The following DGKQ variants were observed in gnomAD, a reference collection of about 807,000 sequenced individuals.
The protein encoded by DGKQ is diacylglycerol kinase theta, also known as DAG kinase theta.
DGKQ carries 97 observed loss-of-function variants against 104.2 expected under a neutral mutation model. The ratio of observed to expected loss-of-function variants is 0.93; its 90% CI spans 0.79 to 1.10. DGKQ has a LOEUF of 1.10. DGKQ is among the 50% of genes least tolerant of loss of function. DGKQ has a pLI of 0.00. For synonymous variants in DGKQ, 736 were observed against 595.2 expected (o/e 1.24, Z -3.44); for missense variants, 1,465 against 1,352.1 (o/e 1.08, Z -1.31).
intron 2 of DGKQ, among the ~76,000 whole-genome samples, chr4:969,524 A>G (rs1216157420): frequency 6.6e-6 from 1 of 152,248 alleles, no homozygotes; most frequent in Non-Finnish European, 1.5e-5. Context: ...ACACCCGATA[A>G]AAGCATACAC....
At chr4:960,908 C>G in intron 22 of DGKQ, 141 bp downstream of exon 22, 1 of 1,494,712 alleles carries the variant, frequency 6.7e-7, no homozygotes, top group Non-Finnish European at 8.9e-7. Flanking sequence ...CACAGCCCTC[C>G]TCTGAAGCAG....
intron 12 of DGKQ, 52 bp downstream of exon 12, chr4:966,414 C>A: frequency 6.3e-7 from 1 of 1,586,160 alleles, no homozygotes; most frequent in Non-Finnish European, 8.6e-7. Context: ...GGGGCAGAGG[C>A]TGTGGCTGAG....
rs778640223 is a variant in DGKQ, at chr4:965,156, C to T, written c.1734+20G>A. 6.8e-6 allele frequency: 11 copies of T among 1,607,980 alleles called. No individual in the cohort carries two copies. In the South Asian group the frequency reaches 9.9e-5, roughly 14 times the overall value. The stretch of plus-strand genomic sequence containing the variant: ...CCACCCCCTGGGGTGTGTGAAGAGC[C>T]GGCTTGACCGCACACTCACCAGCAG... On this transcript the variant is annotated intron_variant, in intron 15 of 22. Coordinates refer to ENST00000273814, the MANE Select transcript of DGKQ (RefSeq NM_001347.4).
At chr4:960,953 C>G (rs56039006) in intron 22 of DGKQ, 96 bp downstream of exon 22, 229,056 of 1,544,284 alleles carry the variant, frequency 0.15, 18,580 homozygotes, top group Middle Eastern at 0.27. Flanking sequence ...CTGGCCGCAG[C>G]CGGCCATGCC....
intron 12 of DGKQ, 187 bp downstream of exon 12, chr4:966,279 G>A: frequency 1.2e-6 from 1 of 827,700 alleles, no homozygotes; most frequent in East Asian, 2.7e-5. Context: ...GGACCTCGGG[G>A]AGATCTGCAG....
chr4:968,057 T>C, intron 5 of DGKQ, 30 bp from the exon 6 acceptor site: 1 of 1,392,448 alleles, frequency 7.2e-7, no homozygotes, highest in Admixed American at 3.2e-5. Flanking sequence ...AGCTGGGGGG[T>C]TGGAGCCAGG....
Position 967,004 on chromosome 4 carries a change from CG to C in DGKQ, c.1270del (p.Arg424AlafsTer38), listed in dbSNP as rs1560516105. On this transcript the variant is annotated frameshift_variant, in exon 10 of 23. Coordinates refer to ENST00000273814, the MANE Select transcript of DGKQ (RefSeq NM_001347.4). LOFTEE classifies it high-confidence loss of function. ...CGGCAGGACCTCCAGCACCACAGAG[CG>C]GGCCGTGCTCTTCGGGGTCACTCGC... ...SVRVTPKSTA[R>X]SVVLEVLPLL... The C allele has an allele frequency of 3.8e-6, 6 of 1,565,214 alleles. No individual in the cohort carries two copies. The highest frequency in any genetic ancestry group is 5.2e-6 in the Non-Finnish European group (6 of 1,157,370).
In DGKQ at chr4:962,841, C is replaced by G. The variant is rs370473571; in HGVS notation, c.1966G>C (p.Ala656Pro). 1 of 1,606,306 alleles carries G rather than the reference C, an allele frequency of 6.2e-7. No homozygotes were observed. Among genetic ancestry groups the G allele is most frequent in the African/African-American group, 1.3e-5 (1 of 74,824 alleles). Residue 656 changes from alanine (A) to proline (P), a missense_variant, in exon 17 of 23, where the codon GCC becomes CCC. By Grantham distance (27) the Ala-to-Pro change is conservative. Coordinates refer to ENST00000273814, the MANE Select transcript of DGKQ (RefSeq NM_001347.4). Reference protein sequence around the residue: ...GDGTVGWVLGALEETRYRLAC... With the variant: ...GDGTVGWVLGPLEETRYRLAC... The stretch of plus-strand genomic sequence containing the variant: ...AGTCGGTACCGTGTCTCCTCCAGGG[C>G]GCCAAGCACCCAGCCCACAGTGCCA...
rs747783926 is a variant in DGKQ, at chr4:961,179, C to T, written c.2597G>A (p.Arg866His). Residue 866 changes from arginine (R) to histidine (H), a missense_variant, in exon 22 of 23, where the codon CGC becomes CAC. By Grantham distance (29) the Arg-to-His change is conservative. Coordinates refer to ENST00000273814, the MANE Select transcript of DGKQ (RefSeq NM_001347.4). The stretch of plus-strand genomic sequence containing the variant: ...ACCCTGGGCAATCCGGATTCCGGAG[C>T]GCAGCCCACCCTGGACCTGGCCCTG... ...VHMGQVQGGL[R>H]SGIRIAQGSY... 2.5e-6 allele frequency: 4 copies of T among 1,583,450 alleles called. No homozygotes were observed. Among genetic ancestry groups the T allele is most frequent in the East Asian group, 2.3e-5 (1 of 44,146 alleles).
intron 15 of DGKQ, among the ~76,000 whole-genome samples, chr4:964,540 C>T (rs181738532): frequency 1.4e-3 from 211 of 152,238 alleles, no homozygotes; most frequent in African/African-American, 4.5e-3. Flanking sequence ...CCGTTCCCCC[C>T]GGCCCTGCCC....
rs1354097310 is a variant in DGKQ, at chr4:967,070, CTG to C, written c.1221-18_1221-17del. 14 of 1,547,690 alleles carry C rather than the reference CTG, an allele frequency of 9.0e-6. No homozygotes were observed. Among genetic ancestry groups the C allele is most frequent in the Non-Finnish European group, 1.2e-5 (14 of 1,144,830 alleles). On this transcript the variant is annotated splice_polypyrimidine_tract_variant and intron_variant, in intron 9 of 22. Transcript: ENST00000273814. ...CACGCCCACCCTGTGGGGACACAGTCTGAGCTGGAGCTCCCCCCACCCCGCCC... is the reference window on the plus strand; with the variant it reads ...CACGCCCACCCTGTGGGGACACAGTCAGCTGGAGCTCCCCCCACCCCGCCC...
chr4:961,117 C>A lies in DGKQ; in HGVS notation c.2659G>T (p.Val887Leu). Residue 887 changes from valine to leucine, a missense_variant, in exon 22 of 23, where the codon GTG becomes TTG. Transcript: ENST00000273814. ...FRVTLLKATP[V>L]QVDGEPWVQA... is the part of the protein sequence containing the mutation. ...ACCCAGGGCTCCCCGTCCACCTGCA[C>A]CGGGGTGGCCTTGAGGAGCGTGACT... The A allele has an allele frequency of 6.2e-7, 1 of 1,610,598 alleles. No homozygotes were observed. Among genetic ancestry groups the A allele is most frequent in the Non-Finnish European group, 8.5e-7 (1 of 1,179,052 alleles).
Position 962,027 on chromosome 4 carries a change from T to C in DGKQ, c.2270A>G (p.Asp757Gly), listed in dbSNP as rs965505320. The stretch of plus-strand genomic sequence containing the variant: ...CTCCTCTTCCCGTGCCTGGTGGAAG[T>C]CCAGGCTCAGCTCCGCGTCGATGCC... ...GIGIDAELSL[D>G]FHQAREEEPG... Residue 757 changes from aspartate (D) to glycine (G), a missense_variant, in exon 19 of 23, where the codon GAC (aspartate) becomes GGC (glycine). Coordinates refer to ENST00000273814, the MANE Select transcript of DGKQ (RefSeq NM_001347.4). 1 of 1,613,004 alleles carries C rather than the reference T, an allele frequency of 6.2e-7. No individual in the cohort carries two copies. The highest frequency in any genetic ancestry group is 1.3e-5 in the African/African-American group (1 of 74,900).
intron 22 of DGKQ, 55 bp downstream of exon 22, chr4:960,994 A>G (rs1711842646): frequency 7.5e-6 from 12 of 1,597,262 alleles, no homozygotes; most frequent in Non-Finnish European, 8.5e-6. Context: ...GGCCACTCCC[A>G]TGGCCGGCCC....
chr4:960,844 G>A, intron 22 of DGKQ, 123 bp from the exon 23 acceptor site: 1 of 1,490,350 alleles, frequency 6.7e-7, no homozygotes, highest in Non-Finnish European at 9.0e-7. Context: ...TCACGGAAGG[G>A]GAGGGACCTG....
In DGKQ at chr4:973,502, A is replaced by G. The variant is rs1216265743; in HGVS notation, c.-20T>C. On this transcript the variant is annotated 5_prime_UTR_variant, in exon 1 of 23. Coordinates refer to ENST00000273814, the MANE Select transcript of DGKQ (RefSeq NM_001347.4). ...CGCCATTCCCGGCCCGAGCGGCCCG[A>G]GCCCCTTTAGGTCCGCGCCGGGGGT... 29 of 983,424 alleles carry G rather than the reference A, an allele frequency of 2.9e-5. No individual in the cohort carries two copies. Among genetic ancestry groups the G allele is most frequent in the Non-Finnish European group, 3.4e-5 (28 of 829,916 alleles). 60.9% of individuals were successfully genotyped at this position (983,424 alleles called of 1,614,324 possible). A position where few individuals can be genotyped will look rare whatever the true frequency, so the allele number is the denominator to read the frequency against.
chr4:970,691 C>T (rs560188616), intron 2 of DGKQ, among the ~76,000 whole-genome samples: 1 of 152,212 alleles, frequency 6.6e-6, no homozygotes, highest in East Asian at 1.9e-4. Context: ...ATGTCACAGC[C>T]ACGCCCACTT....
chr4:966,718 C>A, intron 11 of DGKQ, 30 bp downstream of exon 11: 1 of 1,594,680 alleles, frequency 6.3e-7, no homozygotes, highest in East Asian at 2.3e-5. Flanking sequence ...GTGCAGGGAC[C>A]GCCACGCCCA....
rs926693204 is a variant in DGKQ at position 960,490 on chromosome 4, G to C, written c.*130C>G. 4.3e-5 allele frequency: 34 copies of C among 790,488 alleles called. No individual in the cohort carries two copies. The African/African-American group carries it at 4.6e-4, about 11-fold the overall frequency. 49.0% of individuals were successfully genotyped at this position (790,488 alleles called of 1,614,324 possible). On this transcript the variant is annotated 3_prime_UTR_variant, in exon 23 of 23. Coordinates refer to ENST00000273814, the MANE Select transcript of DGKQ (RefSeq NM_001347.4). ...CGCTCCGTCACTGGGAAGATGCTGT[G>C]GTCAGGGCTGTAGCCAGGTCCGACC...
Sources: allele counts gnomAD v4.1 joint callset (sites outside exome capture counted in the v4.1 genomes callset), GRCh38; gene constraint gnomAD v4.1.1; transcripts MANE v1.5; gene names NCBI Gene and HGNC (gene_info 2026-07-23, HGNC 2026-07-21).